ZNF461: variants seen among roughly 807,000 people sequenced by gnomAD.
ZNF461 encodes the protein zinc finger protein 461, also known as gonadotropin-inducible ovarian transcription factor-1.
Under a neutral mutation model 18.3 loss-of-function variants are expected in ZNF461, and 16 were observed. The ratio of observed to expected loss-of-function variants is 0.88; its 90% CI spans 0.59 to 1.33. The LOEUF (loss-of-function observed/expected upper bound fraction) is 1.33. ZNF461 is among the 40% of genes most tolerant of loss of function. ZNF461 has a pLI of 0.00. For missense variants in ZNF461, 595 were observed against 669.9 expected (o/e 0.89, Z 1.23); for synonymous variants, 179 against 216.9 (o/e 0.83, Z 1.54).
At position 36,643,823 on chromosome 19, in the gene ZNF461, T is replaced by C; in HGVS notation, c.272A>G (p.Asp91Gly). The C allele has an allele frequency of 6.5e-7, 1 of 1,541,808 alleles. No individual in the cohort carries two copies. Among genetic ancestry groups the C allele is most frequent in the East Asian group, 2.5e-5 (1 of 40,324 alleles). The change falls in exon 5 of 6, where the codon GAC becomes GGC. Residue 91 changes from aspartate (D) to glycine (G), a missense_variant. Asp to Gly is a moderately conservative substitution (Grantham distance 94). Coordinates refer to ENST00000588268, the MANE Select transcript of ZNF461 (RefSeq NM_153257.5). ...KTWGFHNNFL[D>G]NNEATDINAD... ...ATTTATGTCTGTAGCCTCATTATTG[T>C]CCAAGAAATTATTGTGAAATCCCCA...
intron 2 of ZNF461, chr19:36,658,669 AT>A (rs1310779273): frequency 2.8e-6 from 1 of 355,420 alleles, no homozygotes; most frequent in Non-Finnish European, 5.0e-6. Flanking sequence ...TTAATCAGTC[AT>A]CTCAAAACTA....
At chr19:36,650,192 A>G (rs560498992) in intron 4 of ZNF461, among the ~76,000 whole-genome samples, 75 of 152,240 alleles carry the variant, frequency 4.9e-4, no homozygotes, top group Non-Finnish European at 9.4e-4. Context: ...AAATTAAATA[A>G]TAATAATAAG....
intron 2 of ZNF461, among the ~76,000 whole-genome samples, chr19:36,663,955 G>A (rs1009648621): frequency 5.9e-5 from 9 of 152,162 alleles, no homozygotes; most frequent in Non-Finnish European, 1.2e-4. Flanking sequence ...GGGAAGATAT[G>A]TATGTATGTG....
At chr19:36,640,228 A>G (rs1842000584) in intron 5 of ZNF461, 185 bp from the exon 6 acceptor site, 2 of 511,696 alleles carry the variant, frequency 3.9e-6, no homozygotes, top group Admixed American at 3.7e-5. Flanking sequence ...AATTAGGGAA[A>G]TAATTCAATG....
At chr19:36,662,490 C>A (rs892295491) in intron 2 of ZNF461, among the ~76,000 whole-genome samples, 2 of 147,106 alleles carry the variant, frequency 1.4e-5, no homozygotes, top group Non-Finnish European at 3.0e-5. Context: ...CTCCTGACCT[C>A]GTGATCCGCC....
At chr19:36,648,086 C>T (rs1161143090) in intron 4 of ZNF461, among the ~76,000 whole-genome samples, 1 of 151,964 alleles carries the variant, frequency 6.6e-6, no homozygotes, top group Non-Finnish European at 1.5e-5. Context: ...GAGGCTGAGG[C>T]AGGAGAATCG....
rs1216679362 is a variant in ZNF461, at chr19:36,636,820, A to G, written c.*1833T>C. On this transcript the variant is annotated 3_prime_UTR_variant, in exon 6 of 6. Transcript: ENST00000588268. ...TGAAGCAGCATAAACTTAACTACTG[A>G]TTTATTCTTTTACTTATCAGAGAGC... 6.6e-6 allele frequency among the ~76,000 whole-genome samples: 1 copy of G among 152,168 alleles called. No homozygotes were observed. Among genetic ancestry groups the G allele is most frequent in the Non-Finnish European group, 1.5e-5 (1 of 68,026 alleles).
chr19:36,644,890 C>G (rs901874558), intron 4 of ZNF461, among the ~76,000 whole-genome samples: 1 of 152,034 alleles, frequency 6.6e-6, no homozygotes, highest in East Asian at 2.0e-4. Flanking sequence ...AGCCACCGTG[C>G]CTGGCCAGGT....
chr19:36,639,684 A>T lies in ZNF461; in HGVS notation c.661T>A (p.Cys221Ser). 1 of 1,613,884 alleles carries T rather than the reference A, an allele frequency of 6.2e-7. No homozygotes were observed. The highest frequency in any genetic ancestry group is 8.5e-7 in the Non-Finnish European group (1 of 1,179,830). ...KRTHSKELSE[C>S]KECTEIVNTP... is the part of the protein sequence containing the mutation. The stretch of plus-strand genomic sequence containing the variant: ...TTAACAATTTCTGTGCATTCTTTAC[A>T]TTCAGAAAGTTCTTTAGAATGAGTT... The change falls in exon 6 of 6, where the codon TGT (cysteine) becomes AGT (serine). Residue 221 changes from cysteine (C) to serine (S), a missense_variant. By Grantham distance (112) the Cys-to-Ser change is moderately radical. Transcript: ENST00000588268.
chr19:36,655,236 TC>T (rs2037695808), intron 4 of ZNF461, among the ~76,000 whole-genome samples: 1 of 152,094 alleles, frequency 6.6e-6, no homozygotes, highest in Admixed American at 6.6e-5. Context: ...GCTCAAGTAA[TC>T]CTCCCACCTG....
At chr19:36,658,245 G>A in intron 3 of ZNF461, 54 bp downstream of exon 3, 1 of 1,546,160 alleles carries the variant, frequency 6.5e-7, no homozygotes, top group Non-Finnish European at 8.8e-7. Context: ...AGTAGATTGT[G>A]AATTGTTAGC....
At chr19:36,644,453 G>A (rs1318622074) in intron 4 of ZNF461, among the ~76,000 whole-genome samples, 1 of 148,906 alleles carries the variant, frequency 6.7e-6, no homozygotes, top group Admixed American at 6.7e-5. Flanking sequence ...ATTTTTAGTA[G>A]AGATGGGGTT....
Position 36,638,850 on chromosome 19 carries a change from A to C in ZNF461, c.1495T>G (p.Cys499Gly). ...CTAAAGGCCTTCCCACATTCCTTACATTCATAGGGTTTCTCACCAGTATGA... is the reference window on the plus strand; with the variant it reads ...CTAAAGGCCTTCCCACATTCCTTACCTTCATAGGGTTTCTCACCAGTATGA... ...RIHTGEKPYE[C>G]KECGKAFSYH... The change falls in exon 6 of 6, where the codon TGT becomes GGT. Residue 499 changes from cysteine to glycine, a missense_variant. Cys to Gly is a radical substitution (Grantham distance 159, BLOSUM62 -3). Transcript: ENST00000588268. 1 of 1,614,076 alleles carries C rather than the reference A, an allele frequency of 6.2e-7. No homozygotes were observed. Among genetic ancestry groups the C allele is most frequent in the Non-Finnish European group, 8.5e-7 (1 of 1,179,998 alleles).
intron 5 of ZNF461, chr19:36,643,306 C>G (rs1460383587): frequency 6.6e-6 from 1 of 152,224 alleles, no homozygotes; most frequent in Non-Finnish European, 1.5e-5. Context: ...TGCCTTCTTA[C>G]ACTATGCAGT....
chr19:36,659,666 T>C (rs566032434), intron 2 of ZNF461, among the ~76,000 whole-genome samples: 1 of 152,194 alleles, frequency 6.6e-6, no homozygotes, highest in East Asian at 1.9e-4. Context: ...AGGTACATAT[T>C]CCATTGTTTT....
chr19:36,665,537 C>T (rs1331665071), intron 1 of ZNF461, among the ~76,000 whole-genome samples: 1 of 151,908 alleles, frequency 6.6e-6, no homozygotes, highest in African/African-American at 2.4e-5. Flanking sequence ...GGTGAAATCC[C>T]GTCTCTACTA....
intron 4 of ZNF461, among the ~76,000 whole-genome samples, chr19:36,645,888 G>C (rs535148596): frequency 2.7e-4 from 41 of 152,208 alleles, no homozygotes; most frequent in African/African-American, 9.9e-4. Context: ...GGGTTCAAGC[G>C]ATTTTCCTGA....
chr19:36,653,729 C>T (rs1280914332), intron 4 of ZNF461, among the ~76,000 whole-genome samples: 1 of 152,178 alleles, frequency 6.6e-6, no homozygotes, highest in Non-Finnish European at 1.5e-5. Context: ...TATTTCCCAC[C>T]TGGTCCCTCC....
intron 1 of ZNF461, 73 bp from the exon 2 acceptor site, chr19:36,664,859 G>A: frequency 2.0e-6 from 1 of 502,832 alleles, no homozygotes; most frequent in Non-Finnish European, 3.5e-6. Context: ...AATTCAGAAT[G>A]ACATTTTTCT....
Sources: allele counts gnomAD v4.1 joint callset (sites outside exome capture counted in the v4.1 genomes callset), GRCh38; gene constraint gnomAD v4.1.1; transcripts MANE v1.5; gene names NCBI Gene and HGNC (gene_info 2026-07-23, HGNC 2026-07-21).